PLEKHD1: variants seen among roughly 807,000 people sequenced by gnomAD.
The protein encoded by PLEKHD1 is pleckstrin homology and coiled-coil domain containing D1.
PLEKHD1 carries 51 observed loss-of-function variants against 69.2 expected under a neutral mutation model. The ratio of observed to expected loss-of-function variants is 0.74; its 90% CI spans 0.59 to 0.93. The LOEUF (loss-of-function observed/expected upper bound fraction) is 0.93. PLEKHD1 is among the 40% of genes least tolerant of loss of function. The pLI is 0.00. For missense variants in PLEKHD1, 584 were observed against 641.0 expected (o/e 0.91, Z 0.96); for synonymous variants, 236 against 244.7 (o/e 0.96, Z 0.33).
chr14:69,522,749 G>A (rs1211318851), intron 7 of PLEKHD1, among the ~76,000 whole-genome samples: 1 of 152,092 alleles, frequency 6.6e-6, no homozygotes, highest in Non-Finnish European at 1.5e-5. Flanking sequence ...TGTCTTTCCT[G>A]CATAGTCCTT....
At chr14:69,513,549 G>A (rs1883318576) in intron 6 of PLEKHD1, among the ~76,000 whole-genome samples, 1 of 152,182 alleles carries the variant, frequency 6.6e-6, no homozygotes, top group South Asian at 2.1e-4. Flanking sequence ...TATTGTTACA[G>A]GTGCATACTA....
chr14:69,526,607 C>A, intron 9 of PLEKHD1, 90 bp from the exon 10 acceptor site: 1 of 1,397,252 alleles, frequency 7.2e-7, no homozygotes, highest in South Asian at 1.7e-5. Context: ...CAAGGTTTCT[C>A]CAGCCCAGGT....
chr14:69,509,973 T>C (rs1160553232), intron 6 of PLEKHD1, among the ~76,000 whole-genome samples: 1 of 152,200 alleles, frequency 6.6e-6, no homozygotes, highest in Non-Finnish European at 1.5e-5. Flanking sequence ...AATACTATTG[T>C]ACTGCCTTTG....
chr14:69,526,152 A>G (rs1464207659), intron 9 of PLEKHD1, 30 bp downstream of exon 9: 5 of 1,528,620 alleles, frequency 3.3e-6, no homozygotes, highest in Non-Finnish European at 4.4e-6. Context: ...TGAAGACACC[A>G]TTGACTTTGG....
Position 69,527,749 on chromosome 14 carries a change from C to A in PLEKHD1, c.1202-34C>A, listed in dbSNP as rs1031014301. On this transcript the variant is annotated intron_variant, in intron 11 of 12. Coordinates refer to ENST00000322564, the MANE Select transcript of PLEKHD1 (RefSeq NM_001161498.2). ...GACTGGCTGGGGGTAAGGATGCAGT[C>A]GGAACCCCACCCTTCCTGGCCCTGC... 17 of 1,549,640 alleles carry A rather than the reference C, an allele frequency of 1.1e-5. No homozygotes were observed. In the Admixed American group the frequency reaches 3.1e-4, roughly 29 times the overall value.
intron 8 of PLEKHD1, among the ~76,000 whole-genome samples, chr14:69,525,272 C>T (rs1431562771): frequency 7.9e-5 from 12 of 152,102 alleles, no homozygotes; most frequent in African/African-American, 2.7e-4. Flanking sequence ...CTGTGCTGTA[C>T]GCATGAATTA....
chr14:69,517,020 A>C (rs1479807508), intron 6 of PLEKHD1, among the ~76,000 whole-genome samples: 2 of 152,166 alleles, frequency 1.3e-5, no homozygotes, highest in African/African-American at 4.8e-5. Flanking sequence ...GAAAGAGTGC[A>C]AAGAGCCCAG....
At chr14:69,521,658 A>G (rs1883517205) in intron 6 of PLEKHD1, among the ~76,000 whole-genome samples, 1 of 152,190 alleles carries the variant, frequency 6.6e-6, no homozygotes, top group Non-Finnish European at 1.5e-5. Context: ...AGTTGCTGGG[A>G]AAACACTTGG....
At chr14:69,509,556 T>C (rs1249481183) in intron 6 of PLEKHD1, among the ~76,000 whole-genome samples, 1 of 152,212 alleles carries the variant, frequency 6.6e-6, no homozygotes, top group African/African-American at 2.4e-5. Context: ...GTGATTTATT[T>C]TTTGTGAAAA....
intron 11 of PLEKHD1, 53 bp downstream of exon 11, chr14:69,527,385 G>A (rs1355184742): frequency 6.5e-7 from 1 of 1,548,538 alleles, no homozygotes; most frequent in Non-Finnish European, 8.7e-7. Context: ...AGCCCCAGAT[G>A]GGATCCCGGC....
In PLEKHD1 at chr14:69,528,354, T is replaced by C; in HGVS notation, c.1456T>C (p.Ser486Pro). 1 of 1,551,612 alleles carries C rather than the reference T, an allele frequency of 6.4e-7. No individual in the cohort carries two copies. The highest frequency in any genetic ancestry group is 1.4e-5 in the African/African-American group (1 of 73,164). ...RLSRDQRFRE[S>P]IYHIMATQPG... ...CAGCAGGGACCAGCGCTTCCGGGAATCCATCTACCACATCATGGCCACCCA... is the reference window on the plus strand; with the variant it reads ...CAGCAGGGACCAGCGCTTCCGGGAACCCATCTACCACATCATGGCCACCCA... The change falls in exon 13 of 13, where the codon TCC becomes CCC. Residue 486 changes from serine to proline, a missense_variant. By Grantham distance (74) the Ser-to-Pro change is moderately conservative. Coordinates refer to ENST00000322564, the MANE Select transcript of PLEKHD1 (RefSeq NM_001161498.2).
intron 1 of PLEKHD1, among the ~76,000 whole-genome samples, chr14:69,488,269 A>C (rs1882698002): frequency 6.6e-6 from 1 of 152,170 alleles, no homozygotes; most frequent in Non-Finnish European, 1.5e-5. Context: ...AAAAGACTAG[A>C]GGAGACTTTC....
rs186160141 is a variant in PLEKHD1, at chr14:69,485,646, T to C, written c.149+532T>C. 1.9e-4 allele frequency among the ~76,000 whole-genome samples: 29 copies of C among 152,230 alleles called. No individual in the cohort carries two copies. In the East Asian group the frequency reaches 3.3e-3, roughly 17 times the overall value. On this transcript the variant is annotated intron_variant, in intron 1 of 12. Transcript: ENST00000322564. The stretch of plus-strand genomic sequence containing the variant: ...GAGGAAGGGCCAGGAAGGGTGCTTG[T>C]CCATGGGGAAGTGACCTTGGCAACC...
chr14:69,512,410 T>C (rs1404932609), intron 6 of PLEKHD1, among the ~76,000 whole-genome samples: 1 of 152,112 alleles, frequency 6.6e-6, no homozygotes, highest in African/African-American at 2.4e-5. Flanking sequence ...CTGTTTTATT[T>C]CTTTTTTTCT....
chr14:69,497,909 T>A (rs77430583), intron 1 of PLEKHD1, among the ~76,000 whole-genome samples: 4 of 152,088 alleles, frequency 2.6e-5, no homozygotes, highest in African/African-American at 7.2e-5. Context: ...AAAATGGGGC[T>A]GAGTACAGTG....
the PLEKHD1 span, among the ~76,000 whole-genome samples, chr14:69,473,390 G>A: frequency 6.6e-6 from 1 of 151,476 alleles, no homozygotes; most frequent in South Asian, 2.1e-4. Flanking sequence ...TCCCTGGCAG[G>A]ACCAGCTGCT....
chr14:69,525,829 C>A, intron 8 of PLEKHD1, 115 bp from the exon 9 acceptor site: 1 of 968,296 alleles, frequency 1.0e-6, no homozygotes, highest in Non-Finnish European at 1.5e-6. Context: ...ATTTCAGCGG[C>A]CATAGAGGAC....
chr14:69,494,413 T>A (rs1283647336), intron 1 of PLEKHD1, among the ~76,000 whole-genome samples: 3 of 152,194 alleles, frequency 2.0e-5, no homozygotes, highest in African/African-American at 7.2e-5. Context: ...AGGCAGTGGC[T>A]GTGGGAAGTA....
intron 6 of PLEKHD1, among the ~76,000 whole-genome samples, chr14:69,510,056 A>G (rs1281665565): frequency 1.3e-5 from 2 of 151,984 alleles, no homozygotes; most frequent in Non-Finnish European, 2.9e-5. Flanking sequence ...TTCTATTTAT[A>G]TATTTGTTTA....
Sources: gnomAD v4.1 joint callset for allele counts (sites outside exome capture counted in the v4.1 genomes callset) on GRCh38, gnomAD v4.1.1 for gene constraint, MANE v1.5 for transcripts, NCBI Gene and HGNC (gene_info 2026-07-23, HGNC 2026-07-21) for gene names.